RAPGEF6: variants seen among roughly 807,000 people sequenced by gnomAD.
RAPGEF6 encodes the protein Rap guanine nucleotide exchange factor 6.
A neutral mutation model predicts 171.4 loss-of-function variants in RAPGEF6; 56 were observed. The observed-to-expected ratio is 0.33, with a 90% CI of 0.26 to 0.41. The LOEUF (loss-of-function observed/expected upper bound fraction) is 0.41. Ranked by LOEUF, RAPGEF6 falls within the 10% of genes least tolerant of loss-of-function variation. The pLI is 1.00. For missense variants in RAPGEF6, 1,674 were observed against 1,921.4 expected (o/e 0.87, Z 2.41); for synonymous variants, 692 against 650.1 (o/e 1.06, Z -0.98).
chr5:131,538,328 G>A (rs1456333379), intron 6 of RAPGEF6, among the ~76,000 whole-genome samples: 1 of 152,110 alleles, frequency 6.6e-6, no homozygotes, highest in African/African-American at 2.4e-5. Flanking sequence ...AACCTAGACG[G>A]TATAGCCTAC....
rs1464695129 is a variant in RAPGEF6, at chr5:131,510,468, A to G, written c.651T>C (p.Asp217=). 3.1e-6 allele frequency: 5 copies of G among 1,613,776 alleles called. No homozygotes were observed. In the African/African-American group the frequency reaches 6.7e-5, roughly 22 times the overall value. ...CTTCTGGAAGACGTGTCAAATCTAC[A>G]TCTCCTACCTCACTCTCCGTAGCCT... ...IYQATESEVG[D]VDLTRLPEGP... The change falls in exon 8 of 28, where the codon GAT becomes GAC. Residue 217 remains aspartate, a synonymous_variant. Transcript: ENST00000509018.
chr5:131,509,925 C>G (rs547808961), intron 8 of RAPGEF6, among the ~76,000 whole-genome samples: 1 of 152,274 alleles, frequency 6.6e-6, no homozygotes, highest in Non-Finnish European at 1.5e-5. Context: ...GCCTTATTCT[C>G]CTTTGGATTA....
chr5:131,508,889 T>C (rs1231015289), intron 8 of RAPGEF6, among the ~76,000 whole-genome samples: 2 of 152,192 alleles, frequency 1.3e-5, no homozygotes, highest in African/African-American at 4.8e-5. Context: ...TAGTATACAA[T>C]TCTTTATCAG....
intron 5 of RAPGEF6, among the ~76,000 whole-genome samples, chr5:131,555,428 G>T (rs199853464): frequency 1.2e-4 from 1 of 8,102 alleles, no homozygotes; most frequent in Non-Finnish European, 3.9e-4. Flanking sequence ...AAAAATAGTC[G>T]TGTCAATGCT....
At chr5:131,484,705 ATATC>A (rs769317126) in intron 15 of RAPGEF6, among the ~76,000 whole-genome samples, 9 of 152,166 alleles carry the variant, frequency 5.9e-5, no homozygotes, top group Admixed American at 4.6e-4. Flanking sequence ...ACAATCTAAA[ATATC>A]TATCAATATG....
chr5:131,566,331 A>AAAGGATCATGTGG (rs1761933943), intron 4 of RAPGEF6, among the ~76,000 whole-genome samples: 1 of 152,158 alleles, frequency 6.6e-6, no homozygotes, highest in Non-Finnish European at 1.5e-5. Flanking sequence ...GCATTTATTG[A>AAAGGATCATGTGG]AAGGATCATG....
At chr5:131,564,960 T>C (rs549660992) in intron 4 of RAPGEF6, among the ~76,000 whole-genome samples, 1 of 152,304 alleles carries the variant, frequency 6.6e-6, no homozygotes, top group Admixed American at 6.5e-5. Context: ...ATTTTCCATC[T>C]ATTAGTTTTA....
intron 15 of RAPGEF6, among the ~76,000 whole-genome samples, chr5:131,486,265 A>G (rs948123923): frequency 3.3e-5 from 5 of 152,226 alleles, no homozygotes; most frequent in Admixed American, 2.6e-4. Flanking sequence ...AAGAGACATC[A>G]CTTTGGGATA....
At chr5:131,559,620 C>T (rs551563968) in intron 5 of RAPGEF6, among the ~76,000 whole-genome samples, 86 of 151,910 alleles carry the variant, frequency 5.7e-4, no homozygotes, top group Admixed American at 1.0e-3. Context: ...GTCAAGAGTT[C>T]GAGATCAGCC....
intron 4 of RAPGEF6, among the ~76,000 whole-genome samples, chr5:131,570,571 T>C (rs1397182970): frequency 1.3e-5 from 2 of 152,144 alleles, no homozygotes; most frequent in African/African-American, 2.4e-5. Context: ...TAAAATCTTC[T>C]GAATGGATAG....
intron 5 of RAPGEF6, among the ~76,000 whole-genome samples, chr5:131,549,863 C>T (rs1051332965): frequency 6.6e-6 from 1 of 152,060 alleles, no homozygotes; most frequent in Non-Finnish European, 1.5e-5. Flanking sequence ...TGATCCTCTC[C>T]CTCCTCCCAC....
At chr5:131,438,747 T>C (rs1752187258) in intron 24 of RAPGEF6, among the ~76,000 whole-genome samples, 2 of 152,050 alleles carry the variant, frequency 1.3e-5, no homozygotes, top group African/African-American at 2.4e-5. Flanking sequence ...AACACGTAAA[T>C]GAACAAGAAT....
In RAPGEF6 at chr5:131,424,697, T is replaced by C. The variant is rs1397451863; in HGVS notation, c.*2569A>G. ...AGTAATCATTTGGAGTAAATTAGAA[T>C]TATTAACTTTAATAAGCTTTTATGG... is the stretch of plus-strand genomic sequence containing the variant. On this transcript the variant is annotated 3_prime_UTR_variant, in exon 28 of 28. Coordinates refer to ENST00000509018, the MANE Select transcript of RAPGEF6 (RefSeq NM_016340.6). 1.3e-5 allele frequency: 2 copies of C among 152,306 alleles called. No individual in the cohort carries two copies. The highest frequency in any genetic ancestry group is 4.8e-5 in the African/African-American group (2 of 41,454). 9.4% of individuals were successfully genotyped at this position (152,306 alleles called of 1,614,324 possible).
At chr5:131,484,036 C>CAGCG (rs912379839) in intron 15 of RAPGEF6, among the ~76,000 whole-genome samples, 6 of 143,356 alleles carry the variant, frequency 4.2e-5, no homozygotes, top group Non-Finnish European at 9.0e-5. Flanking sequence ...GCGGAGCTTG[C>CAGCG]AGCGAGTGGA....
At chr5:131,601,385 C>CAAA (rs758602740) in intron 3 of RAPGEF6, among the ~76,000 whole-genome samples, 2 of 54,296 alleles carry the variant, frequency 3.7e-5, no homozygotes, top group African/African-American at 7.1e-5. Flanking sequence ...GACTCCGTCT[C>CAAA]AAAAAAAAAA....
intron 19 of RAPGEF6, among the ~76,000 whole-genome samples, chr5:131,458,556 G>A (rs760912206): frequency 4.6e-5 from 7 of 152,244 alleles, no homozygotes; most frequent in African/African-American, 9.6e-5. Flanking sequence ...AGTGGAATAA[G>A]TGTTCTTGGA....
At chr5:131,631,910 A>G (rs1307747812) in intron 1 of RAPGEF6, among the ~76,000 whole-genome samples, 1 of 152,006 alleles carries the variant, frequency 6.6e-6, no homozygotes, top group Admixed American at 6.6e-5. Flanking sequence ...CCCCATCTCT[A>G]CTAAAAACAC....
chr5:131,552,431 C>T (rs571185977), intron 5 of RAPGEF6, among the ~76,000 whole-genome samples: 117 of 151,448 alleles, frequency 7.7e-4, no homozygotes, highest in African/African-American at 2.6e-3. Flanking sequence ...GCAGAAATAA[C>T]AAATGCAAAA....
intron 3 of RAPGEF6, among the ~76,000 whole-genome samples, chr5:131,601,146 G>A (rs930649917): frequency 8.6e-5 from 13 of 151,714 alleles, no homozygotes; most frequent in Non-Finnish European, 1.5e-4. Context: ...CACTTTGGGA[G>A]GCCGAGGCGG....
Sources: allele counts gnomAD v4.1 joint callset (sites outside exome capture counted in the v4.1 genomes callset), GRCh38; gene constraint gnomAD v4.1.1; transcripts MANE v1.5; gene names NCBI Gene and HGNC (gene_info 2026-07-23, HGNC 2026-07-21).